The following AGAP1 variants were observed in gnomAD, a reference collection of about 807,000 sequenced individuals.
The protein encoded by AGAP1 is ArfGAP with GTPase domain, ankyrin repeat and PH domain 1, also known as arf-GAP with GTPase, ANK repeat and PH domain-containing protein 1.
Under a neutral mutation model 105.3 loss-of-function variants are expected in AGAP1, and 29 were observed. The observed-to-expected ratio is 0.28, with a 90% confidence interval of 0.21 to 0.38. The LOEUF (loss-of-function observed/expected upper bound fraction) is 0.38. Among genes scored for constraint, AGAP1 ranks in the 10% least tolerant of loss-of-function variants. The probability of loss-of-function intolerance (pLI) is 1.00; values close to 1 mark genes in which losing one functional copy is unlikely to be tolerated. For synonymous variants in AGAP1, 509 were observed against 485.9 expected (o/e 1.05, Z -0.63); for missense variants, 998 against 1,165.1 (o/e 0.86, Z 2.09).
chr2:235,540,046 G>C (rs1328250102), intron 1 of AGAP1, among the ~76,000 whole-genome samples: 1 of 152,078 alleles, frequency 6.6e-6, no homozygotes, highest in Non-Finnish European at 1.5e-5. Context: ...GGTGGGGAAG[G>C]GGTAGGCAGG....
intron 11 of AGAP1, among the ~76,000 whole-genome samples, chr2:235,915,549 G>T (rs1026895808): frequency 6.6e-6 from 1 of 152,056 alleles, no homozygotes; most frequent in African/African-American, 2.4e-5. Flanking sequence ...GCATAGTGGC[G>T]AGTGCCTGTG....
chr2:235,594,281 A>G (rs1559275178), intron 1 of AGAP1, among the ~76,000 whole-genome samples: 2 of 137,158 alleles, frequency 1.5e-5, no homozygotes, highest in African/African-American at 2.6e-5. Flanking sequence ...GCAAATAGGC[A>G]TTCTGGGGTT....
At chr2:236,085,073 G>C (rs572008174) in intron 16 of AGAP1, among the ~76,000 whole-genome samples, 21 of 147,004 alleles carry the variant, frequency 1.4e-4, no homozygotes, top group South Asian at 8.8e-4. Context: ...AAAATTAGCC[G>C]GGTGTGGTGG....
rs1304329513 is a variant in AGAP1 at position 235,557,512 on chromosome 2, T to G, written c.163+62663T>G. On this transcript the variant is annotated intron_variant, in intron 1 of 17. Coordinates refer to ENST00000304032, the MANE Select transcript of AGAP1 (RefSeq NM_001037131.3). The surrounding 1 kb of genome is among the most constrained non-coding windows in gnomAD (Gnocchi z 4.7). ...TTTGAGAACTTATATAAAGAGAACT[T>G]ATAAAAAATGGAAAATGAGAAACGA... 3.3e-5 allele frequency among the ~76,000 whole-genome samples: 5 copies of G among 152,216 alleles called. No individual in the cohort carries two copies. In the East Asian group the frequency reaches 7.7e-4, roughly 23 times the overall value.
chr2:235,591,344 G>A (rs540733002), intron 1 of AGAP1, among the ~76,000 whole-genome samples: 20 of 152,310 alleles, frequency 1.3e-4, no homozygotes, highest in South Asian at 4.1e-4. Context: ...AAACAGCAAC[G>A]GGAATGAATT....
chr2:235,777,220 T>G lies in AGAP1; in HGVS notation c.674-20539T>G, dbSNP rs1237721662. On this transcript the variant is annotated intron_variant, in intron 6 of 17. Transcript: ENST00000304032. The surrounding 1 kb of genome is among the most constrained non-coding windows in gnomAD (Gnocchi z 5.1). ...AAAAATACAAAAAATTAGCCAGGCG[T>G]GCGCCTGTAATCCCAGCTACTCGGG... is the stretch of plus-strand genomic sequence containing the variant. Among the ~76,000 whole-genome samples the G allele has an allele frequency of 6.6e-6, 1 of 152,118 alleles. No homozygotes were observed. The highest frequency in any genetic ancestry group is 1.9e-4 in the East Asian group (1 of 5,168).
In AGAP1 at chr2:236,000,724, G is replaced by A. The variant is rs892348272; in HGVS notation, c.1645+32101G>A. ...GCACATGCCTGAGGCAATCAGCCCC[G>A]ATGGTGTGGCGGGGCAGGTACTAGA... On this transcript the variant is annotated intron_variant, in intron 13 of 17. Coordinates refer to ENST00000304032, the MANE Select transcript of AGAP1 (RefSeq NM_001037131.3). This position sits in a 1 kb window ranked among gnomAD's most constrained non-coding sequence, Gnocchi z 4.3. Among the ~76,000 whole-genome samples the A allele has an allele frequency of 3.9e-5, 6 of 152,246 alleles. No individual in the cohort carries two copies. The East Asian group carries it at 7.7e-4, about 20-fold the overall frequency.
At position 235,664,791 on chromosome 2, in the gene AGAP1, T is replaced by C. The variant is rs1948074996; in HGVS notation, c.164-44388T>C. On this transcript the variant is annotated intron_variant, in intron 1 of 17. Coordinates refer to ENST00000304032, the MANE Select transcript of AGAP1 (RefSeq NM_001037131.3). This position sits in a 1 kb window ranked among gnomAD's most constrained non-coding sequence, Gnocchi z 5.7. ...CATGGGTAGAACTAAAGCCTCTTCT[T>C]CTGTAATGTGGCAGTTCCCATTCTC... is the stretch of plus-strand genomic sequence containing the variant. Among the ~76,000 whole-genome samples the C allele has an allele frequency of 6.6e-6, 1 of 152,130 alleles. No individual in the cohort carries two copies. Among genetic ancestry groups the C allele is most frequent in the African/African-American group, 2.4e-5 (1 of 41,420 alleles).
chr2:235,574,056 G>A lies in AGAP1; in HGVS notation c.163+79207G>A, dbSNP rs1559259990. 6.6e-6 allele frequency among the ~76,000 whole-genome samples: 1 copy of A among 152,250 alleles called. No individual in the cohort carries two copies. The highest frequency in any genetic ancestry group is 1.5e-5 in the Non-Finnish European group (1 of 68,050). On this transcript the variant is annotated intron_variant, in intron 1 of 17. Transcript: ENST00000304032. This position sits in a 1 kb window ranked among gnomAD's most constrained non-coding sequence, Gnocchi z 5.0. ...TGACTGTTAGCTGGTCAGGGAGGCA[G>A]GGCCTGGGTGCCTTGGGGCCTGTCC...
rs979237911 is a variant in AGAP1, at chr2:236,036,295, G to A, written c.1646-266G>A. On this transcript the variant is annotated intron_variant, in intron 13 of 17. Coordinates refer to ENST00000304032, the MANE Select transcript of AGAP1 (RefSeq NM_001037131.3). The surrounding 1 kb of genome is among the most constrained non-coding windows in gnomAD (Gnocchi z 5.7). ...CTTTGTGTGTGCACCACACAGAGACGCTGACATCACTCGTTGATTTCATCT... is the reference window on the plus strand; with the variant it reads ...CTTTGTGTGTGCACCACACAGAGACACTGACATCACTCGTTGATTTCATCT... 2.6e-5 allele frequency among the ~76,000 whole-genome samples: 4 copies of A among 152,182 alleles called. No individual in the cohort carries two copies. Among genetic ancestry groups the A allele is most frequent in the African/African-American group, 9.7e-5 (4 of 41,448 alleles).
chr2:235,636,996 C>T (rs1287308679), intron 1 of AGAP1, among the ~76,000 whole-genome samples: 1 of 152,144 alleles, frequency 6.6e-6, no homozygotes, highest in African/African-American at 2.4e-5. Context: ...CCCTCACCGC[C>T]CCTAAAGGAA....
intron 11 of AGAP1, among the ~76,000 whole-genome samples, chr2:235,922,182 G>A (rs1328893953): frequency 1.3e-5 from 2 of 152,206 alleles, no homozygotes; most frequent in Non-Finnish European, 2.9e-5. Context: ...CTGTGAATGA[G>A]ATTGGACCGA....
At chr2:235,890,259 T>C (rs1020165103) in intron 10 of AGAP1, among the ~76,000 whole-genome samples, 2 of 151,816 alleles carry the variant, frequency 1.3e-5, no homozygotes, top group Non-Finnish European at 2.9e-5. Flanking sequence ...GTTCAAGTGA[T>C]TCTCCTGCCT....
In AGAP1 at chr2:236,046,567, A is replaced by G; in HGVS notation, c.1892-2492A>G. On this transcript the variant is annotated intron_variant, in intron 15 of 17. Coordinates refer to ENST00000304032, the MANE Select transcript of AGAP1 (RefSeq NM_001037131.3). The surrounding 1 kb of genome is among the most constrained non-coding windows in gnomAD (Gnocchi z 5.2). ...CAGGAGGGACCTGGCAGAAGAATGC[A>G]TTTGCAGAGTGGATGTTGACTAGGA... 6.6e-6 allele frequency among the ~76,000 whole-genome samples: 1 copy of G among 152,156 alleles called. No individual in the cohort carries two copies. The highest frequency in any genetic ancestry group is 1.9e-4 in the East Asian group (1 of 5,182).
At chr2:235,523,365 G>A (rs1293491500) in intron 1 of AGAP1, among the ~76,000 whole-genome samples, 1 of 152,192 alleles carries the variant, frequency 6.6e-6, no homozygotes, top group African/African-American at 2.4e-5. Context: ...GGCTCTTGGG[G>A]AGAAAATGTT....
rs548566453 is a variant in AGAP1 at position 235,951,503 on chromosome 2, G to A, written c.1484-16959G>A. ...ATTTCCTCTGAACTTTGTTCTTCTC[G>A]TTATTTTTGGAATGATTGCAGGGTT... On this transcript the variant is annotated intron_variant, in intron 12 of 17. Coordinates refer to ENST00000304032, the MANE Select transcript of AGAP1 (RefSeq NM_001037131.3). This position sits in a 1 kb window ranked among gnomAD's most constrained non-coding sequence, Gnocchi z 4.2. Among the ~76,000 whole-genome samples the A allele has an allele frequency of 4.6e-5, 7 of 152,172 alleles. No individual in the cohort carries two copies. Among genetic ancestry groups the A allele is most frequent in the African/African-American group, 9.6e-5 (4 of 41,518 alleles).
chr2:236,082,095 G>A lies in AGAP1; in HGVS notation c.2114+32814G>A, dbSNP rs561095788. On this transcript the variant is annotated intron_variant, in intron 16 of 17. Transcript: ENST00000304032. The surrounding 1 kb of genome is among the most constrained non-coding windows in gnomAD (Gnocchi z 4.2). The stretch of plus-strand genomic sequence containing the variant: ...TGAAAGGTAAGGCTTCCTTCCTGCC[G>A]TTTCCTCTGGTGCCCTTTTCTTTCC... 3.9e-5 allele frequency among the ~76,000 whole-genome samples: 6 copies of A among 152,264 alleles called. No individual in the cohort carries two copies. In the South Asian group the frequency reaches 1.0e-3, roughly 26 times the overall value.
Position 235,739,160 on chromosome 2 carries a change from ATGGGGCGAGG to A in AGAP1, c.311-1796_311-1787del, listed in dbSNP as rs1212942533. Among the ~76,000 whole-genome samples the A allele has an allele frequency of 1.3e-5, 2 of 151,938 alleles. No homozygotes were observed. The highest frequency in any genetic ancestry group is 4.8e-5 in the African/African-American group (2 of 41,288). On this transcript the variant is annotated intron_variant, in intron 3 of 17. Transcript: ENST00000304032. This position sits in a 1 kb window ranked among gnomAD's most constrained non-coding sequence, Gnocchi z 5.3. ...CCCCTTTGCATCTGGGGACACTGAG[ATGGGGCGAGG>A]TGGGGCAAGACTACACAGCTGTATG...
At chr2:235,968,673 T>C in intron 13 of AGAP1, 50 bp downstream of exon 13, 4 of 1,560,130 alleles carry the variant, frequency 2.6e-6, no homozygotes, top group Non-Finnish European at 3.5e-6. Context: ...CGGAAAATTC[T>C]CTGTTATTTT....
Sources: gnomAD v4.1 joint callset for allele counts (sites outside exome capture counted in the v4.1 genomes callset) on GRCh38, gnomAD v4.1.1 for gene constraint, Gnocchi (gnomAD v3.1) non-coding constraint, MANE v1.5 for transcripts, NCBI Gene and HGNC (gene_info 2026-07-23, HGNC 2026-07-21) for gene names.